The following CDC42BPA variants were observed in gnomAD, a reference collection of about 807,000 sequenced individuals.
CDC42BPA encodes CDC42 binding protein kinase alpha.
Under a neutral mutation model 223.5 loss-of-function variants are expected in CDC42BPA, and 80 were observed. That is an observed-to-expected ratio of 0.36 (90% CI 0.30 to 0.43). The LOEUF (loss-of-function observed/expected upper bound fraction) is 0.43, where lower values mean the gene tolerates loss of function less well. CDC42BPA is among the 20% of genes least tolerant of loss of function. CDC42BPA has a pLI of 1.00. For missense variants in CDC42BPA, 1,743 were observed against 2,099.9 expected (o/e 0.83, Z 3.32); for synonymous variants, 694 against 718.6 (o/e 0.97, Z 0.55).
chr1:227,180,063 G>A (rs370238139), intron 5 of CDC42BPA, among the ~76,000 whole-genome samples: 9 of 152,132 alleles, frequency 5.9e-5, no homozygotes, highest in South Asian at 2.1e-4. Flanking sequence ...AAACTTAGCC[G>A]GGCATGGTGG....
At chr1:227,155,413 G>A (rs977853316) in intron 6 of CDC42BPA, among the ~76,000 whole-genome samples, 4 of 152,150 alleles carry the variant, frequency 2.6e-5, no homozygotes, top group Admixed American at 6.5e-5. Context: ...TACTTCCAAT[G>A]GAACCTTCCT....
chr1:227,111,807 A>G (rs932529397), intron 14 of CDC42BPA, among the ~76,000 whole-genome samples: 3 of 152,158 alleles, frequency 2.0e-5, no homozygotes, highest in African/African-American at 7.2e-5. Flanking sequence ...CCAATGTTAC[A>G]TGTTACACAG....
At chr1:227,082,803 T>C (rs1374682162) in intron 16 of CDC42BPA, among the ~76,000 whole-genome samples, 1 of 151,754 alleles carries the variant, frequency 6.6e-6, no homozygotes, top group Non-Finnish European at 1.5e-5. Context: ...CTGGAAGGCA[T>C]TTTTTGCTGT....
rs565728340 is a variant in CDC42BPA at position 227,031,430 on chromosome 1, C to T, written c.3643G>A (p.Val1215Met). The change falls in exon 28 of 37, where the codon GTG (valine) becomes ATG (methionine). Residue 1215 changes from valine to methionine, a missense_variant. Around this residue, in one of 6 missense-constraint regions of CDC42BPA, gnomAD observed 678 missense variants for 777.5 expected, o/e 0.87. Coordinates refer to ENST00000366766, the MANE Select transcript of CDC42BPA (RefSeq NM_001394014.1). ...TTGTGCAATTCACTCAGCACTCCCACCCACTTATTCTTCTCATTCTCAGTG... is the reference window on the plus strand; with the variant it reads ...TTGTGCAATTCACTCAGCACTCCCATCCACTTATTCTTCTCATTCTCAGTG... ...ADTENEKNKW[V>M]GVLSELHKIL... 3.4e-4 allele frequency: 545 copies of T among 1,614,010 alleles called. 10 individuals carry two copies. In the South Asian group the frequency reaches 5.6e-3, roughly 17 times the overall value.
chr1:227,305,572 T>C (rs1389759711), intron 1 of CDC42BPA, among the ~76,000 whole-genome samples: 2 of 152,226 alleles, frequency 1.3e-5, no homozygotes, highest in Non-Finnish European at 2.9e-5. Context: ...TTAAGCTGAC[T>C]TTATTCTCTT....
intron 1 of CDC42BPA, among the ~76,000 whole-genome samples, chr1:227,311,487 G>A (rs1180253594): frequency 6.6e-6 from 1 of 152,286 alleles, no homozygotes; most frequent in East Asian, 1.9e-4. Context: ...CTAGAGTTCA[G>A]CTGAAGTGAT....
intron 5 of CDC42BPA, among the ~76,000 whole-genome samples, chr1:227,178,137 T>C (rs1486753407): frequency 2.0e-5 from 3 of 152,214 alleles, no homozygotes; most frequent in African/African-American, 7.2e-5. Flanking sequence ...GTGGATCATC[T>C]TGAGTTGCTG....
At chr1:227,275,701 T>C (rs1049422449) in intron 1 of CDC42BPA, among the ~76,000 whole-genome samples, 1 of 146,814 alleles carries the variant, frequency 6.8e-6, no homozygotes, top group Non-Finnish European at 1.5e-5. Context: ...GCAACCTCCC[T>C]GCCTGATTCT....
chr1:227,095,589 GTTTTT>G (rs35570582), intron 15 of CDC42BPA, among the ~76,000 whole-genome samples: 2 of 127,592 alleles, frequency 1.6e-5, no homozygotes, highest in Admixed American at 8.0e-5. Flanking sequence ...AAGTTCTTTG[GTTTTT>G]TTTTTTTTTT....
At chr1:227,247,207 A>C (rs972015337) in intron 2 of CDC42BPA, among the ~76,000 whole-genome samples, 1 of 150,266 alleles carries the variant, frequency 6.7e-6, no homozygotes, top group Admixed American at 6.6e-5. Flanking sequence ...CTCAAAAAAA[A>C]GCTATTTTGG....
intron 21 of CDC42BPA, among the ~76,000 whole-genome samples, chr1:227,056,723 C>T (rs1034917365): frequency 1.3e-5 from 2 of 152,106 alleles, no homozygotes; most frequent in African/African-American, 4.8e-5. Flanking sequence ...TCTTTATCCT[C>T]TAGCTAGAAG....
chr1:227,235,749 C>T (rs1008339458), intron 2 of CDC42BPA, among the ~76,000 whole-genome samples: 8 of 152,190 alleles, frequency 5.3e-5, no homozygotes, highest in Non-Finnish European at 1.2e-4. Flanking sequence ...ATGCTTGCTG[C>T]TCCAACTCCT....
chr1:227,008,732 C>T (rs1320820992), intron 34 of CDC42BPA, among the ~76,000 whole-genome samples: 1 of 152,210 alleles, frequency 6.6e-6, no homozygotes, highest in Non-Finnish European at 1.5e-5. Flanking sequence ...TTTGAAGAAT[C>T]GCACATACTG....
intron 6 of CDC42BPA, among the ~76,000 whole-genome samples, chr1:227,153,588 AG>A (rs1392722674): frequency 1.3e-5 from 2 of 151,978 alleles, no homozygotes; most frequent in African/African-American, 4.8e-5. Context: ...TGTTAAAACT[AG>A]GAAGAAGGTG....
At chr1:227,128,960 G>A (rs1656404357) in intron 11 of CDC42BPA, 149 bp downstream of exon 11, 1 of 601,864 alleles carries the variant, frequency 1.7e-6, no homozygotes, top group East Asian at 2.9e-5. Context: ...CTCCTTGAGA[G>A]CAGAACCCAT....
chr1:227,108,235 T>A (rs1458301575), intron 14 of CDC42BPA, among the ~76,000 whole-genome samples: 4 of 152,168 alleles, frequency 2.6e-5, no homozygotes, highest in African/African-American at 4.8e-5. Flanking sequence ...AATACAGGCA[T>A]TTATAGTTAC....
chr1:227,197,365 G>A (rs187879767), intron 4 of CDC42BPA, among the ~76,000 whole-genome samples: 95 of 151,968 alleles, frequency 6.3e-4, no homozygotes, highest in African/African-American at 2.2e-3. Flanking sequence ...ATATGATGAA[G>A]GCTCCCCTAA....
chr1:227,180,749 G>A (rs1221038670), intron 5 of CDC42BPA, among the ~76,000 whole-genome samples: 1 of 152,176 alleles, frequency 6.6e-6, no homozygotes, highest in Non-Finnish European at 1.5e-5. Flanking sequence ...TGAAGCGCAT[G>A]ATAATCGAAC....
chr1:227,000,901 T>C (rs1662685733), intron 35 of CDC42BPA, among the ~76,000 whole-genome samples: 1 of 152,010 alleles, frequency 6.6e-6, no homozygotes. Flanking sequence ...CCACATACTG[T>C]ACTCAGGATA....
Sources: gnomAD v4.1 joint callset for allele counts (sites outside exome capture counted in the v4.1 genomes callset) on GRCh38, gnomAD v4.1.1 for gene constraint, gnomAD v4.1.1 regional missense constraint, MANE v1.5 for transcripts, NCBI Gene and HGNC (gene_info 2026-07-23, HGNC 2026-07-21) for gene names.